The following MAN1A2 variants were observed in gnomAD, a reference collection of about 807,000 sequenced individuals.
MAN1A2 encodes the protein mannosyl-oligosaccharide 1,2-alpha-mannosidase IB.
Under a neutral mutation model 75.7 loss-of-function variants are expected in MAN1A2, and 26 were observed. The ratio of observed to expected loss-of-function variants is 0.34; its 90% CI spans 0.25 to 0.48. The LOEUF (loss-of-function observed/expected upper bound fraction) is 0.48. MAN1A2 is among the 20% of genes least tolerant of loss of function. The probability of loss-of-function intolerance (pLI) is 0.99; values close to 1 mark genes in which losing one functional copy is unlikely to be tolerated. For missense variants in MAN1A2, 562 were observed against 775.5 expected, an observed-to-expected ratio of 0.72 and a Z score of 3.27; for synonymous variants, 247 against 264.6, an observed-to-expected ratio of 0.93 and a Z score of 0.65.
intron 3 of MAN1A2, among the ~76,000 whole-genome samples, chr1:117,413,550 G>A (rs1013462194): frequency 3.3e-5 from 5 of 151,872 alleles, no homozygotes; most frequent in Non-Finnish European, 5.9e-5. Context: ...TCACTACCTC[G>A]CTGGAGTCGT....
rs181250151 is a variant in MAN1A2, at chr1:117,427,314, C to T, written c.855+6665C>T. On this transcript the variant is annotated intron_variant, in intron 5 of 12. Coordinates refer to ENST00000356554, the MANE Select transcript of MAN1A2 (RefSeq NM_006699.5). ...ATGACCAAATAGATGAAAATCTCAT[C>T]AGAAATGAAATAACATGGAAATTCT... 7.4e-4 allele frequency among the ~76,000 whole-genome samples: 112 copies of T among 152,172 alleles called. 1 individual carries two copies. The highest frequency in any genetic ancestry group is 2.6e-3 in the African/African-American group (107 of 41,530).
At chr1:117,454,781 TAGG>T (rs1158965171) in intron 6 of MAN1A2, among the ~76,000 whole-genome samples, 1 of 152,146 alleles carries the variant, frequency 6.6e-6, no homozygotes, top group Non-Finnish European at 1.5e-5. Flanking sequence ...ATAGTATACA[TAGG>T]AGAAAAATTT....
At position 117,496,745 on chromosome 1, in the gene MAN1A2, A is replaced by G. The variant is rs777389452; in HGVS notation, c.1285-18A>G. The G allele has an allele frequency of 6.4e-7, 1 of 1,570,210 alleles. No homozygotes were observed. The highest frequency in any genetic ancestry group is 1.1e-5 in the South Asian group (1 of 89,324). On this transcript the variant is annotated intron_variant, in intron 9 of 12. Coordinates refer to ENST00000356554, the MANE Select transcript of MAN1A2 (RefSeq NM_006699.5). ...ATAGTTTGCATCTAAAATTTTGAATATCTTTTCTTTCCTGTAGGCTATAGA... is the reference window on the plus strand; with the variant it reads ...ATAGTTTGCATCTAAAATTTTGAATGTCTTTTCTTTCCTGTAGGCTATAGA...
Position 117,460,627 on chromosome 1 carries a change from CTTCTA to C in MAN1A2, c.1074+20_1074+24del. 1 of 1,592,690 alleles carries C rather than the reference CTTCTA, an allele frequency of 6.3e-7. No individual in the cohort carries two copies. Among genetic ancestry groups the C allele is most frequent in the Non-Finnish European group, 8.5e-7 (1 of 1,172,388 alleles). Reference sequence around the variant, plus strand: ...ACTACAAAAAGGTTTGTTTTCTTGCCTTCTATTCTTTGTTTGTTATAAAGAGTCCT... The same window carrying C: ...ACTACAAAAAGGTTTGTTTTCTTGCCTTCTTTGTTTGTTATAAAGAGTCCT... On this transcript the variant is annotated intron_variant, in intron 7 of 12. Transcript: ENST00000356554.
chr1:117,386,401 G>A (rs2101732930), intron 1 of MAN1A2, among the ~76,000 whole-genome samples: 1 of 152,140 alleles, frequency 6.6e-6, no homozygotes, highest in East Asian at 1.9e-4. Flanking sequence ...TGGGGATGAG[G>A]GCACTATTGC....
chr1:117,423,324 C>T (rs1338332147), intron 5 of MAN1A2, among the ~76,000 whole-genome samples: 2 of 152,094 alleles, frequency 1.3e-5, no homozygotes, highest in South Asian at 4.1e-4. Context: ...TGTGAGTCCT[C>T]CAACTTTATT....
intron 6 of MAN1A2, among the ~76,000 whole-genome samples, chr1:117,450,806 G>T (rs982177226): frequency 4.6e-5 from 7 of 152,208 alleles, no homozygotes; most frequent in African/African-American, 1.2e-4. Flanking sequence ...ATTGGGGTTT[G>T]GGAACCTCTG....
At chr1:117,467,872 G>A (rs990441252) in intron 8 of MAN1A2, among the ~76,000 whole-genome samples, 4 of 151,880 alleles carry the variant, frequency 2.6e-5, no homozygotes, top group African/African-American at 9.7e-5. Flanking sequence ...ATATGCCAGT[G>A]TATATTCTAT....
chr1:117,397,645 CTTTTTTTTTT>C, intron 1 of MAN1A2, among the ~76,000 whole-genome samples: 1 of 105,884 alleles, frequency 9.4e-6, no homozygotes, highest in South Asian at 3.1e-4. Flanking sequence ...TTATAACCCC[CTTTTTTTTTT>C]TTTTTTTTTT....
At chr1:117,503,963 A>G (rs1326132457) in intron 12 of MAN1A2, among the ~76,000 whole-genome samples, 2 of 151,456 alleles carry the variant, frequency 1.3e-5, no homozygotes, top group Admixed American at 6.6e-5. Context: ...CTTTTAATAT[A>G]TCACCAATTC....
In MAN1A2 at chr1:117,528,866, G is replaced by T. The variant is rs1224596325; in HGVS notation, c.*5909G>T. 1.3e-5 allele frequency: 2 copies of T among 152,108 alleles called. No homozygotes were observed. The highest frequency in any genetic ancestry group is 2.9e-5 in the Non-Finnish European group (2 of 68,000). The allele number at this position is 152,108 out of a possible 1,614,324, so 9.4% of individuals were successfully genotyped here. A position where few individuals can be genotyped will look rare whatever the true frequency, so the allele number is the denominator to read the frequency against. ...AAGTTCAAATAAAGATGTTCTTTAA[G>T]TGAAAATTCTTTGTTTAGCCTTCAT... On this transcript the variant is annotated 3_prime_UTR_variant, in exon 13 of 13. Transcript: ENST00000356554.
intron 3 of MAN1A2, among the ~76,000 whole-genome samples, chr1:117,410,629 A>G (rs376097181): frequency 1.3e-5 from 2 of 151,906 alleles, no homozygotes; most frequent in South Asian, 2.1e-4. Context: ...AAAAGAAAAA[A>G]AAAAAAGAAT....
intron 6 of MAN1A2, among the ~76,000 whole-genome samples, chr1:117,445,870 G>GTATATATATATATATATATATA (rs1342445541): frequency 8.7e-6 from 1 of 114,704 alleles, no homozygotes; most frequent in Admixed American, 8.5e-5. Flanking sequence ...ATGTGTGTGT[G>GTATATATATATATATATATATA]TGTCTGTGTG....
chr1:117,520,035 A>T (rs1473382776), intron 12 of MAN1A2, among the ~76,000 whole-genome samples: 2 of 152,152 alleles, frequency 1.3e-5, no homozygotes, highest in African/African-American at 4.8e-5. Flanking sequence ...TATGCAAGTC[A>T]ATAAATGTGA....
At chr1:117,473,646 T>C (rs1482070153) in intron 8 of MAN1A2, among the ~76,000 whole-genome samples, 1 of 152,048 alleles carries the variant, frequency 6.6e-6, no homozygotes, top group African/African-American at 2.4e-5. Context: ...CACAGAGCTA[T>C]TGCAGCCACT....
At chr1:117,382,607 A>G (rs1227576795) in intron 1 of MAN1A2, among the ~76,000 whole-genome samples, 7 of 152,196 alleles carry the variant, frequency 4.6e-5, no homozygotes, top group Non-Finnish European at 1.5e-5. Flanking sequence ...GTTTGAAGTC[A>G]GGTAGCATGA....
chr1:117,489,002 CTA>C (rs779440159), intron 8 of MAN1A2, among the ~76,000 whole-genome samples: 13 of 151,996 alleles, frequency 8.6e-5, no homozygotes, highest in Non-Finnish European at 1.3e-4. Flanking sequence ...AAGTATCAAA[CTA>C]TATAGATAAT....
In MAN1A2 at chr1:117,526,901, T is replaced by TAC. The variant is rs1465405208; in HGVS notation, c.*3945_*3946insCA. 2.3e-4 allele frequency: 33 copies of TAC among 144,058 alleles called. 1 individual carries two copies. The highest frequency in any genetic ancestry group is 8.1e-4 in the African/African-American group (32 of 39,500). 8.9% of individuals were successfully genotyped at this position (144,058 alleles called of 1,614,324 possible). ...CTCTCTATATATATATATATATATA[T>TAC]ATATATATGAGAGATATATGAGATA... is the stretch of plus-strand genomic sequence containing the variant. On this transcript the variant is annotated 3_prime_UTR_variant, in exon 13 of 13. Transcript: ENST00000356554.
At chr1:117,471,323 A>G (rs1650146192) in intron 8 of MAN1A2, among the ~76,000 whole-genome samples, 1 of 151,916 alleles carries the variant, frequency 6.6e-6, no homozygotes, top group African/African-American at 2.4e-5. Context: ...TATTTATAAT[A>G]TGTTTGAAAA....
Sources: allele counts gnomAD v4.1 joint callset (sites outside exome capture counted in the v4.1 genomes callset), GRCh38; gene constraint gnomAD v4.1.1; transcripts MANE v1.5; gene names NCBI Gene and HGNC (gene_info 2026-07-23, HGNC 2026-07-21).